GABRB2: variants seen among roughly 807,000 people sequenced by gnomAD.
GABRB2 encodes gamma-aminobutyric acid type A receptor subunit beta2.
Under a neutral mutation model 54.7 loss-of-function variants are expected in GABRB2, and 16 were observed. That is an observed-to-expected ratio of 0.29 (90% confidence interval 0.20 to 0.44). The LOEUF (loss-of-function observed/expected upper bound fraction) is 0.44, where lower values mean the gene tolerates loss of function less well. Ranked by LOEUF, GABRB2 falls within the 20% of genes least tolerant of loss-of-function variation. The pLI, the probability that GABRB2 is intolerant of heterozygous loss-of-function variation, is 1.00. For synonymous variants in GABRB2, 244 were observed against 233.8 expected, an observed-to-expected ratio of 1.04 and a Z score of -0.40; for missense variants, 355 against 644.0, an observed-to-expected ratio of 0.55 and a Z score of 4.86.
In GABRB2 at chr5:161,474,706, C is replaced by T. The variant is rs547910477; in HGVS notation, c.238-14862G>A. ...GGGAAATCATTCATTTTCAGGGAAA[C>T]TCATAACTAGAAGGAAATTACATTA... On this transcript the variant is annotated intron_variant, in intron 3 of 9. Coordinates refer to ENST00000393959, the MANE Select transcript of GABRB2 (RefSeq NM_001371727.1). Among the ~76,000 whole-genome samples, 48 of 152,042 alleles carry T rather than the reference C, an allele frequency of 3.2e-4. 2 individuals are homozygous for T. The South Asian group carries it at 9.5e-3, about 30-fold the overall frequency.
At chr5:161,312,219 T>A (rs557017927) in intron 9 of GABRB2, among the ~76,000 whole-genome samples, 1 of 152,300 alleles carries the variant, frequency 6.6e-6, no homozygotes, top group Non-Finnish European at 1.5e-5. Flanking sequence ...CCAGTGAGTA[T>A]TCGTCAAATG....
intron 4 of GABRB2, among the ~76,000 whole-genome samples, chr5:161,443,765 T>G (rs928192420): frequency 5.3e-5 from 8 of 152,166 alleles, no homozygotes; most frequent in African/African-American, 1.4e-4. Context: ...CTTGGTAACT[T>G]CATCTGCCAT....
chr5:161,337,838 A>T (rs577399668), intron 5 of GABRB2, among the ~76,000 whole-genome samples: 4 of 152,190 alleles, frequency 2.6e-5, no homozygotes, highest in Admixed American at 6.5e-5. Context: ...ATGTGAAGAG[A>T]TATCACATTT....
At chr5:161,451,582 A>G (rs1400865467) in intron 4 of GABRB2, among the ~76,000 whole-genome samples, 1 of 152,188 alleles carries the variant, frequency 6.6e-6, no homozygotes, top group Admixed American at 6.5e-5. Flanking sequence ...ATTTTAAATA[A>G]TAGTCCTGCA....
intron 4 of GABRB2, among the ~76,000 whole-genome samples, chr5:161,444,580 G>T (rs773490302): frequency 2.0e-4 from 30 of 151,982 alleles, no homozygotes; most frequent in African/African-American, 7.0e-4. Context: ...ATTTTAACAC[G>T]GTCAACTCAT....
At position 161,521,906 on chromosome 5, in the gene GABRB2, C is replaced by T. The variant is rs1321869549; in HGVS notation, c.237+23321G>A. Reference sequence around the variant, plus strand: ...TTCTGAATCTTTGTATTTTATTTTACAATTTTTTAATACTCTGAGAAAGAC... The same window carrying T: ...TTCTGAATCTTTGTATTTTATTTTATAATTTTTTAATACTCTGAGAAAGAC... On this transcript the variant is annotated intron_variant, in intron 3 of 9. Transcript: ENST00000393959. 2.0e-5 allele frequency among the ~76,000 whole-genome samples: 3 copies of T among 151,762 alleles called. No homozygotes were observed. In the East Asian group the frequency reaches 5.8e-4, roughly 29 times the overall value.
intron 4 of GABRB2, among the ~76,000 whole-genome samples, chr5:161,413,243 G>A (rs2113121487): frequency 6.6e-6 from 1 of 152,026 alleles, no homozygotes; most frequent in Admixed American, 6.5e-5. Flanking sequence ...ATTAATATTT[G>A]GAAGATTATT....
intron 3 of GABRB2, among the ~76,000 whole-genome samples, chr5:161,512,571 T>C (rs549735735): frequency 1.1e-4 from 16 of 152,036 alleles, no homozygotes; most frequent in Non-Finnish European, 1.8e-4. Context: ...TAATTCAGGG[T>C]GGATTAAATA....
intron 3 of GABRB2, among the ~76,000 whole-genome samples, chr5:161,485,582 C>T (rs1390629866): frequency 6.6e-6 from 1 of 151,946 alleles, no homozygotes; most frequent in African/African-American, 2.4e-5. Context: ...TGTCCAAAAG[C>T]ATCCATTTGT....
chr5:161,343,234 A>G (rs1346852482), intron 5 of GABRB2, among the ~76,000 whole-genome samples: 3 of 151,936 alleles, frequency 2.0e-5, no homozygotes, highest in African/African-American at 7.3e-5. Context: ...TTTTGCTGTC[A>G]AATCATTTCT....
At chr5:161,536,759 A>G (rs1434264621) in intron 3 of GABRB2, among the ~76,000 whole-genome samples, 1 of 151,978 alleles carries the variant, frequency 6.6e-6, no homozygotes, top group East Asian at 1.9e-4. Flanking sequence ...CACCACGCCC[A>G]GCTAATTTTT....
intron 3 of GABRB2, among the ~76,000 whole-genome samples, chr5:161,522,056 A>G (rs1307448863): frequency 6.6e-6 from 1 of 151,874 alleles, no homozygotes; most frequent in Non-Finnish European, 1.5e-5. Context: ...TAAAGTTAGT[A>G]GGACATCTGC....
chr5:161,487,926 T>C (rs1758977284), intron 3 of GABRB2, among the ~76,000 whole-genome samples: 1 of 151,760 alleles, frequency 6.6e-6, no homozygotes, highest in Non-Finnish European at 1.5e-5. Context: ...GAAAAGCTAT[T>C]GACTGATCCC....
chr5:161,321,440 T>C (rs1758206454), intron 9 of GABRB2, among the ~76,000 whole-genome samples: 1 of 152,112 alleles, frequency 6.6e-6, no homozygotes, highest in Admixed American at 6.6e-5. Flanking sequence ...ATAGCTTTAG[T>C]TCTACGTGTT....
intron 9 of GABRB2, among the ~76,000 whole-genome samples, chr5:161,317,156 T>C (rs1758066163): frequency 6.6e-6 from 1 of 152,114 alleles, no homozygotes; most frequent in Non-Finnish European, 1.5e-5. Flanking sequence ...CACACGCTTA[T>C]GTATTTTAAA....
chr5:161,325,324 C>T (rs1270811168), intron 9 of GABRB2, among the ~76,000 whole-genome samples: 1 of 152,054 alleles, frequency 6.6e-6, no homozygotes, highest in Non-Finnish European at 1.5e-5. Flanking sequence ...TAGTGATTAA[C>T]AAAATTTCAA....
chr5:161,426,226 C>T (rs1756995091), intron 4 of GABRB2, among the ~76,000 whole-genome samples: 1 of 152,056 alleles, frequency 6.6e-6, no homozygotes, highest in African/African-American at 2.4e-5. Context: ...TGCAAAAGGT[C>T]CTTTTGAACT....
chr5:161,363,963 T>C (rs1283925318), intron 5 of GABRB2, among the ~76,000 whole-genome samples: 1 of 152,198 alleles, frequency 6.6e-6, no homozygotes, highest in Non-Finnish European at 1.5e-5. Context: ...GGAAAATTGT[T>C]GTATGTTTTC....
intron 3 of GABRB2, among the ~76,000 whole-genome samples, chr5:161,534,149 C>T (rs954718999): frequency 1.3e-5 from 2 of 152,160 alleles, no homozygotes; most frequent in African/African-American, 4.8e-5. Flanking sequence ...TGGCTCTCAA[C>T]CTGAAACAAT....
Sources: gnomAD v4.1 joint callset for allele counts (sites outside exome capture counted in the v4.1 genomes callset) on GRCh38, gnomAD v4.1.1 for gene constraint, MANE v1.5 for transcripts, NCBI Gene and HGNC (gene_info 2026-07-23, HGNC 2026-07-21) for gene names.